The following PLEKHH2 variants were observed in gnomAD, a reference collection of about 807,000 sequenced individuals.
The protein encoded by PLEKHH2 is pleckstrin homology domain-containing family H member 2.
A neutral mutation model predicts 187.9 loss-of-function variants in PLEKHH2; 129 were observed. The ratio of observed to expected loss-of-function variants is 0.69; its 90% CI spans 0.59 to 0.79. The LOEUF is 0.79. PLEKHH2 is among the 30% of genes least tolerant of loss of function. PLEKHH2 has a pLI of 0.00. For synonymous variants in PLEKHH2, 686 were observed against 605.6 expected, an observed-to-expected ratio of 1.13 and a Z score of -1.95; for missense variants, 2,076 against 1,751.2, an observed-to-expected ratio of 1.19 and a Z score of -3.31.
chr2:43,639,348 G>A (rs1703261442), intron 1 of PLEKHH2, among the ~76,000 whole-genome samples: 2 of 152,180 alleles, frequency 1.3e-5, no homozygotes, highest in African/African-American at 2.4e-5. Flanking sequence ...AGGTTGTATA[G>A]CCATCACCAA....
intron 15 of PLEKHH2, among the ~76,000 whole-genome samples, chr2:43,713,342 A>T (rs1363718810): frequency 6.6e-6 from 1 of 152,212 alleles, no homozygotes; most frequent in Non-Finnish European, 1.5e-5. Flanking sequence ...AAGATGCAGA[A>T]CATTTCCATT....
chr2:43,726,128 A>G (rs1670731141), intron 16 of PLEKHH2, 144 bp from the exon 17 acceptor site: 3 of 404,224 alleles, frequency 7.4e-6, no homozygotes, highest in Non-Finnish European at 8.2e-6. Context: ...CTGTCTCAAA[A>G]AAAAAAAAAA....
intron 3 of PLEKHH2, among the ~76,000 whole-genome samples, chr2:43,682,506 C>T (rs1010130874): frequency 5.3e-5 from 8 of 152,074 alleles, no homozygotes; most frequent in Non-Finnish European, 8.8e-5. Flanking sequence ...GGGGTTTCAC[C>T]ATGTTGGCCA....
At chr2:43,764,758 C>T (rs1376773131) in intron 29 of PLEKHH2, among the ~76,000 whole-genome samples, 1 of 152,168 alleles carries the variant, frequency 6.6e-6, no homozygotes, top group Non-Finnish European at 1.5e-5. Flanking sequence ...GCTTTATGGA[C>T]TCATTAGAGG....
At chr2:43,678,024 C>G (rs1329415588) in intron 2 of PLEKHH2, among the ~76,000 whole-genome samples, 2 of 151,726 alleles carry the variant, frequency 1.3e-5, no homozygotes, top group Non-Finnish European at 2.9e-5. Context: ...GGTCTCCTCA[C>G]TTCTCAGACG....
chr2:43,695,146 G>A lies in PLEKHH2; in HGVS notation c.424G>A (p.Glu142Lys). Residue 142 changes from glutamate to lysine, a missense_variant, in exon 6 of 30, where the codon GAA (glutamate) becomes AAA (lysine). Glu to Lys is a moderately conservative substitution (Grantham distance 56). Transcript: ENST00000282406. ...EWVTVKLNEL[E>K]LENQNLRLIN... Reference sequence around the variant, plus strand: ...GAATACCATTATGTTCTCTTAGCTGGAATTGGAGAATCAGAATCTTCGTTT... The same window carrying A: ...GAATACCATTATGTTCTCTTAGCTGAAATTGGAGAATCAGAATCTTCGTTT... 6.3e-7 allele frequency: 1 copy of A among 1,580,100 alleles called. No homozygotes were observed. The highest frequency in any genetic ancestry group is 8.7e-7 in the Non-Finnish European group (1 of 1,155,928).
intron 19 of PLEKHH2, among the ~76,000 whole-genome samples, chr2:43,732,263 T>C (rs1047411006): frequency 1.3e-5 from 2 of 152,068 alleles, no homozygotes; most frequent in Non-Finnish European, 2.9e-5. Flanking sequence ...CTTGGGAGGC[T>C]GAGTCAGGAG....
At chr2:43,682,865 G>A (rs1668275718) in intron 3 of PLEKHH2, among the ~76,000 whole-genome samples, 1 of 151,916 alleles carries the variant, frequency 6.6e-6, no homozygotes. Context: ...TTAGCAGAAT[G>A]TTTTTGATAT....
chr2:43,759,151 G>C, intron 27 of PLEKHH2, 122 bp downstream of exon 27: 1 of 1,364,250 alleles, frequency 7.3e-7, no homozygotes. Context: ...ATAATGTAAA[G>C]AAAACAATGA....
At chr2:43,659,563 G>A (rs2104375979) in intron 2 of PLEKHH2, among the ~76,000 whole-genome samples, 1 of 149,796 alleles carries the variant, frequency 6.7e-6, no homozygotes, top group Non-Finnish European at 1.5e-5. Context: ...ATTTGGGGTT[G>A]CAAGGCACTT....
At chr2:43,707,277 G>A (rs1008903898) in intron 10 of PLEKHH2, 124 bp from the exon 11 acceptor site, 26 of 993,020 alleles carry the variant, frequency 2.6e-5, no homozygotes, top group Non-Finnish European at 3.8e-5. Context: ...GATAACCTTA[G>A]GGATGGATAC....
intron 1 of PLEKHH2, among the ~76,000 whole-genome samples, chr2:43,639,849 G>A (rs1429837423): frequency 6.6e-6 from 1 of 152,002 alleles, no homozygotes; most frequent in African/African-American, 2.4e-5. Flanking sequence ...TAGAGACGGG[G>A]TTTTGCCATG....
Position 43,700,359 on chromosome 2 carries a change from G to T in PLEKHH2, c.1401G>T (p.Arg467Ser). 6.2e-7 allele frequency: 1 copy of T among 1,614,084 alleles called. No individual in the cohort carries two copies. Among genetic ancestry groups the T allele is most frequent in the Non-Finnish European group, 8.5e-7 (1 of 1,180,032 alleles). Residue 467 changes from arginine to serine, a missense_variant, in exon 8 of 30, where the codon AGG (arginine) becomes AGT (serine). Physicochemically the swap from Arg to Ser is moderately radical, Grantham distance 110. Transcript: ENST00000282406. ...GCCAGCCACAGTTAAGCTCTGACAG[G>T]ATGTTTGGTACAAATAGAAACGCTA... ...HLSQPQLSSD[R>S]MFGTNRNAIS...
At chr2:43,701,767 A>AT (rs34664734) in intron 8 of PLEKHH2, among the ~76,000 whole-genome samples, 67,608 of 130,900 alleles carry the variant, frequency 0.52, 18,120 homozygotes, top group Middle Eastern at 0.6. Context: ...TTTAATTTTA[A>AT]TTTTTTTTTT....
intron 8 of PLEKHH2, among the ~76,000 whole-genome samples, chr2:43,702,412 T>TCCTA (rs1487166235): frequency 6.6e-6 from 1 of 152,124 alleles, no homozygotes; most frequent in East Asian, 1.9e-4. Flanking sequence ...GAATTCTAAT[T>TCCTA]ATGTTATACT....
At chr2:43,703,954 C>G (rs893392475) in intron 8 of PLEKHH2, 27 bp from the exon 9 acceptor site, 11 of 686,516 alleles carry the variant, frequency 1.6e-5, no homozygotes, top group Middle Eastern at 7.4e-4. Flanking sequence ...TTTAAATACC[C>G]TGTTCAAACT....
chr2:43,682,787 C>T (rs1668270314), intron 3 of PLEKHH2, among the ~76,000 whole-genome samples: 1 of 152,154 alleles, frequency 6.6e-6, no homozygotes, highest in Non-Finnish European at 1.5e-5. Flanking sequence ...TATGGATTTA[C>T]CTATTCTGGA....
At chr2:43,638,393 G>C (rs1703218835) in intron 1 of PLEKHH2, among the ~76,000 whole-genome samples, 1 of 152,152 alleles carries the variant, frequency 6.6e-6, no homozygotes, top group Non-Finnish European at 1.5e-5. Flanking sequence ...AGCCTAAGTA[G>C]AATAATTCTT....
chr2:43,762,724 G>T (rs909908149), intron 28 of PLEKHH2, among the ~76,000 whole-genome samples: 2 of 152,092 alleles, frequency 1.3e-5, no homozygotes, highest in Non-Finnish European at 2.9e-5. Flanking sequence ...AAATCATTAA[G>T]GTGGGAACTT....
Sources: allele counts gnomAD v4.1 joint callset (sites outside exome capture counted in the v4.1 genomes callset), GRCh38; gene constraint gnomAD v4.1.1; transcripts MANE v1.5; gene names NCBI Gene and HGNC (gene_info 2026-07-23, HGNC 2026-07-21).